Variants in KCNJ12 observed in about 807,000 individuals in gnomAD.
KCNJ12 encodes the protein potassium inwardly rectifying channel subfamily J member 12, also known as ATP-sensitive inward rectifier potassium channel 12.
In KCNJ12, 2 loss-of-function variants were observed where a neutral mutation model predicts 22.3. That is an observed-to-expected ratio of 0.09 (90% CI 0.04 to 0.28). KCNJ12 has a LOEUF of 0.28. Ranked by LOEUF, KCNJ12 falls within the 10% of genes least tolerant of loss-of-function variation. KCNJ12 has a pLI of 1.00. For missense variants in KCNJ12, 155 were observed against 633.3 expected (o/e 0.24, Z 8.11); for synonymous variants, 117 against 261.4 (o/e 0.45, Z 5.33).
chr17:21,416,991 G>A lies in KCNJ12; in HGVS notation c.*347G>A, dbSNP rs369195245. On this transcript the variant is annotated 3_prime_UTR_variant, in exon 3 of 3. Transcript: ENST00000583088. ...GCCCAGCCTCTGCTGTCCAAGGCTG[G>A]CTAGCTGCGGTGCTCCTTGCTGGTT... 1.6e-3 allele frequency: 620 copies of A among 385,404 alleles called. No homozygotes were observed. Among genetic ancestry groups the A allele is most frequent in the African/African-American group, 0.012 (563 of 48,502 alleles). The allele number at this position is 385,404 out of a possible 1,614,324, so 23.9% of individuals were successfully genotyped here. A position where few individuals can be genotyped will look rare whatever the true frequency, so the allele number is the denominator to read the frequency against.
chr17:21,391,570 T>C (rs1555559309), intron 1 of KCNJ12, among the ~76,000 whole-genome samples: 1 of 152,248 alleles, frequency 6.6e-6, no homozygotes, highest in Non-Finnish European at 1.5e-5. Context: ...ACAACTGCCT[T>C]GCGGCGCTCC....
intron 1 of KCNJ12, among the ~76,000 whole-genome samples, chr17:21,397,603 C>G (rs1905413133): frequency 6.6e-6 from 1 of 152,242 alleles, no homozygotes; most frequent in African/African-American, 2.4e-5. Flanking sequence ...GGCTAATGCA[C>G]TGGCCACGGG....
chr17:21,399,699 CTG>C (rs2142060633), intron 1 of KCNJ12, among the ~76,000 whole-genome samples: 1 of 152,250 alleles, frequency 6.6e-6, no homozygotes, highest in African/African-American at 2.4e-5. Context: ...CTTGGAGTGA[CTG>C]TGGTGTCTCC....
chr17:21,411,683 T>A (rs1406527669), intron 2 of KCNJ12, among the ~76,000 whole-genome samples: 1 of 152,304 alleles, frequency 6.6e-6, no homozygotes, highest in Non-Finnish European at 1.5e-5. Flanking sequence ...CCAGCCTTCT[T>A]GCTTGCTAAG....
intron 1 of KCNJ12, among the ~76,000 whole-genome samples, chr17:21,382,089 T>C (rs1264493532): frequency 6.6e-6 from 1 of 152,264 alleles, no homozygotes; most frequent in Non-Finnish European, 1.5e-5. Flanking sequence ...GCCTGCCATC[T>C]GTCTGTCTGG....
rs1207064873 is a variant in KCNJ12 at position 21,413,705 on chromosome 17, G to C, written c.-56-1582G>C. Among the ~76,000 whole-genome samples, 3 of 152,312 alleles carry C rather than the reference G, an allele frequency of 2.0e-5. No homozygotes were observed. In the East Asian group the frequency reaches 5.8e-4, roughly 29 times the overall value. Reference sequence around the variant, plus strand: ...GACAGGCCAGTGTGGGGCCTTTAGTGGGGGCAGCACAGCCTGTGTGTCCCG... The same window carrying C: ...GACAGGCCAGTGTGGGGCCTTTAGTCGGGGCAGCACAGCCTGTGTGTCCCG... On this transcript the variant is annotated intron_variant, in intron 2 of 2. Transcript: ENST00000583088.
intron 1 of KCNJ12, among the ~76,000 whole-genome samples, chr17:21,394,601 C>T (rs1269565909): frequency 2.6e-5 from 4 of 152,164 alleles, no homozygotes; most frequent in African/African-American, 7.2e-5. Context: ...ACACAGGGCC[C>T]CTGCTCTGTG....
intron 1 of KCNJ12, among the ~76,000 whole-genome samples, chr17:21,381,845 A>C (rs1555557959): frequency 6.6e-6 from 1 of 152,236 alleles, no homozygotes; most frequent in South Asian, 2.1e-4. Context: ...CTGTGTCCCC[A>C]GTGCCTAAGC....
intron 1 of KCNJ12, among the ~76,000 whole-genome samples, chr17:21,387,286 C>CA: frequency 6.7e-6 from 1 of 149,096 alleles, no homozygotes; most frequent in African/African-American, 2.5e-5. Context: ...ACTGAAAATA[C>CA]AAAAAATTAG....
intron 1 of KCNJ12, among the ~76,000 whole-genome samples, chr17:21,384,181 C>CA (rs1555558380): frequency 6.6e-6 from 1 of 152,164 alleles, no homozygotes; most frequent in African/African-American, 2.4e-5. Flanking sequence ...ATGGCGTCCC[C>CA]TGCACTATGC....
rs1314435055 is a variant in KCNJ12, at chr17:21,419,253, C to A, written c.*2609C>A. 1 of 166,300 alleles carries A rather than the reference C, an allele frequency of 6.0e-6. No homozygotes were observed. The highest frequency in any genetic ancestry group is 1.5e-5 in the Non-Finnish European group (1 of 68,104). 10.3% of individuals were successfully genotyped at this position (166,300 alleles called of 1,614,324 possible). A position where few individuals can be genotyped will look rare whatever the true frequency, so the allele number is the denominator to read the frequency against. ...GTGCACACATGCACACTCGGCTCTT[C>A]ATGTGTATGACTGGGTTAGTAATAC... On this transcript the variant is annotated 3_prime_UTR_variant, in exon 3 of 3. Transcript: ENST00000583088.
At chr17:21,394,061 A>G (rs1305993151) in intron 1 of KCNJ12, among the ~76,000 whole-genome samples, 1 of 151,682 alleles carries the variant, frequency 6.6e-6, no homozygotes, top group Non-Finnish European at 1.5e-5. Context: ...AGTGAAGGCT[A>G]CCTCCCTTGG....
intron 1 of KCNJ12, among the ~76,000 whole-genome samples, chr17:21,393,724 A>T (rs78058092): frequency 0.01 from 1,593 of 152,310 alleles, 24 homozygotes; most frequent in Non-Finnish European, 0.016. Context: ...CGCTTTACAG[A>T]TGAAACCACA....
At chr17:21,382,642 C>T (rs1022046671) in intron 1 of KCNJ12, among the ~76,000 whole-genome samples, 18 of 152,322 alleles carry the variant, frequency 1.2e-4, no homozygotes, top group East Asian at 9.6e-4. Context: ...GAGCACTGCC[C>T]GTCCCTCCTC....
intron 1 of KCNJ12, among the ~76,000 whole-genome samples, chr17:21,402,841 GGAGGGCTCACT>G (rs1265952841): frequency 2.6e-5 from 4 of 152,300 alleles, no homozygotes; most frequent in African/African-American, 9.6e-5. Context: ...AGGCAGGCCT[GGAGGGCTCACT>G]GAGGGGTTGG....
chr17:21,415,673 G>C lies in KCNJ12; in HGVS notation c.331G>C (p.Asp111His). ...CTGGGTCATCGCGGTGGCACACGGT[G>C]ACCTGGAGCCGGCTGAGGGCCGGGG... ...IFWVIAVAHG[D>H]LEPAEGRGRT... The change falls in exon 3 of 3, where the codon GAC becomes CAC. Residue 111 changes from aspartate to histidine, a missense_variant. Physicochemically the swap from Asp to His is moderately conservative, Grantham distance 81. Coordinates refer to ENST00000583088, the MANE Select transcript of KCNJ12 (RefSeq NM_021012.5). 6.2e-7 allele frequency: 1 copy of C among 1,613,256 alleles called. No individual in the cohort carries two copies. The highest frequency in any genetic ancestry group is 8.5e-7 in the Non-Finnish European group (1 of 1,179,920).
chr17:21,392,121 A>T (rs1905225611), intron 1 of KCNJ12, among the ~76,000 whole-genome samples: 1 of 152,140 alleles, frequency 6.6e-6, no homozygotes, highest in Non-Finnish European at 1.5e-5. Flanking sequence ...AGTGACTTCG[A>T]GGGAGGTGGT....
chr17:21,390,009 C>T (rs1302045306), intron 1 of KCNJ12, among the ~76,000 whole-genome samples: 1 of 152,146 alleles, frequency 6.6e-6, no homozygotes, highest in Non-Finnish European at 1.5e-5. Context: ...TGCCTCATTC[C>T]AGAACCTTCT....
intron 1 of KCNJ12, among the ~76,000 whole-genome samples, chr17:21,407,169 C>T (rs1406532408): frequency 6.6e-6 from 1 of 152,304 alleles, no homozygotes; most frequent in African/African-American, 2.4e-5. Context: ...CCCTCACACC[C>T]ATCCACCCAT....
Sources: allele counts gnomAD v4.1 joint callset (sites outside exome capture counted in the v4.1 genomes callset), GRCh38; gene constraint gnomAD v4.1.1; transcripts MANE v1.5; gene names NCBI Gene and HGNC (gene_info 2026-07-23, HGNC 2026-07-21).